Variants in BUB1B observed in about 807,000 individuals in gnomAD.
BUB1B encodes mitotic checkpoint serine/threonine-protein kinase BUB1 beta.
In BUB1B, 86 loss-of-function variants were observed where a neutral mutation model predicts 137.7. The observed-to-expected ratio is 0.62, with a 90% CI of 0.52 to 0.75. The LOEUF (loss-of-function observed/expected upper bound fraction) is 0.75, where lower values mean the gene tolerates loss of function less well. Ranked by LOEUF, BUB1B falls within the 30% of genes least tolerant of loss-of-function variation. The pLI is 0.00. For synonymous variants in BUB1B, 420 were observed against 417.9 expected, an observed-to-expected ratio of 1.00 and a Z score of -0.06; for missense variants, 1,130 against 1,236.9, an observed-to-expected ratio of 0.91 and a Z score of 1.30.
intron 4 of BUB1B, among the ~76,000 whole-genome samples, chr15:40,174,979 A>C (rs937058647): frequency 6.6e-6 from 1 of 152,132 alleles, no homozygotes; most frequent in African/African-American, 2.4e-5. Context: ...AAAGGAAAAA[A>C]AATGCTATTT....
intron 5 of BUB1B, among the ~76,000 whole-genome samples, chr15:40,180,442 T>C (rs1310146984): frequency 6.6e-6 from 1 of 151,148 alleles, no homozygotes; most frequent in African/African-American, 2.4e-5. Context: ...ATTTTTGTAG[T>C]TTTAGAAGAG....
Position 40,186,968 on chromosome 15 carries a change from A to C in BUB1B, c.1058+1326A>C, listed in dbSNP as rs1397464992. 3 of 150,300 alleles carry C rather than the reference A, an allele frequency of 2.0e-5. No individual in the cohort carries two copies. The East Asian group carries it at 5.9e-4, about 30-fold the overall frequency. The allele number at this position is 150,300 out of a possible 1,614,324, so 9.3% of individuals were successfully genotyped here. ...GCCCAGCAGGCTGAAGTGCAGTGGC[A>C]CCATCTCAGCTCACCGCAACCTCGA... On this transcript the variant is annotated intron_variant, in intron 8 of 22. Transcript: ENST00000287598.
chr15:40,196,495 G>T, intron 8 of BUB1B, 50 bp from the exon 9 acceptor site: 1 of 1,462,374 alleles, frequency 6.8e-7, no homozygotes, highest in South Asian at 1.2e-5. Flanking sequence ...CAATCTTATT[G>T]ATTTTTTTTA....
At chr15:40,188,282 A>T (rs2037393321) in intron 8 of BUB1B, among the ~76,000 whole-genome samples, 1 of 152,112 alleles carries the variant, frequency 6.6e-6, no homozygotes, top group Non-Finnish European at 1.5e-5. Context: ...TGACCTCGTG[A>T]TCTGCCTGTC....
chr15:40,164,036 G>A (rs529327781), intron 1 of BUB1B, among the ~76,000 whole-genome samples: 51 of 152,270 alleles, frequency 3.3e-4, no homozygotes, highest in African/African-American at 1.1e-3. Flanking sequence ...TGCAGAATAC[G>A]TAATGGGAAT....
chr15:40,206,307 A>C lies in BUB1B; in HGVS notation c.1858A>C (p.Thr620Pro). 6.2e-7 allele frequency: 1 copy of C among 1,613,836 alleles called. No individual in the cohort carries two copies. The highest frequency in any genetic ancestry group is 2.2e-5 in the East Asian group (1 of 44,862). The change falls in exon 15 of 23, where the codon ACT (threonine) becomes CCT (proline). Residue 620 changes from threonine (T) to proline (P), a missense_variant. By Grantham distance (38) the Thr-to-Pro change is conservative. Transcript: ENST00000287598. ...TGCCAGAGCAGCTCGTTTTGTATCC[A>C]CTCCTTTTCATGAGATAATGTCCTT... ...DFARAARFVSTPFHEIMSLKD... is the reference protein window; with the variant it reads ...DFARAARFVSPPFHEIMSLKD...
At chr15:40,186,577 T>C (rs7171605) in intron 8 of BUB1B, among the ~76,000 whole-genome samples, 25,821 of 151,400 alleles carry the variant, frequency 0.17, 4,744 homozygotes, top group African/African-American at 0.47. Context: ...CCCAAGTAGC[T>C]GGAACTACAG....
intron 2 of BUB1B, 25 bp downstream of exon 2, chr15:40,165,221 C>A: frequency 2.5e-6 from 4 of 1,614,024 alleles, no homozygotes; most frequent in Non-Finnish European, 3.4e-6. Flanking sequence ...TGAGTCTCAA[C>A]CTGTCGTCAT....
At chr15:40,209,015 C>T (rs1196872246) in intron 16 of BUB1B, among the ~76,000 whole-genome samples, 4 of 152,176 alleles carry the variant, frequency 2.6e-5, no homozygotes, top group East Asian at 3.9e-4. Context: ...CGCCATGTTG[C>T]CCAGGCTGGT....
intron 2 of BUB1B, chr15:40,166,289 A>G (rs542955762): frequency 3.2e-5 from 13 of 404,728 alleles, no homozygotes; most frequent in African/African-American, 1.7e-4. Context: ...TAATGTTGCT[A>G]TGGACATTCT....
chr15:40,209,961 C>T, intron 17 of BUB1B, 149 bp from the exon 18 acceptor site: 1 of 943,392 alleles, frequency 1.1e-6, no homozygotes, highest in Non-Finnish European at 1.6e-6. Flanking sequence ...TCTCCTCTTG[C>T]AATCTTTAAC....
chr15:40,211,854 C>G (rs768558404), intron 18 of BUB1B, among the ~76,000 whole-genome samples: 1 of 151,490 alleles, frequency 6.6e-6, no homozygotes, highest in Non-Finnish European at 1.5e-5. Flanking sequence ...CGGAGTTTTG[C>G]TCTTGTCACC....
At position 40,210,177 on chromosome 15, in the gene BUB1B, G is replaced by A. The variant is rs752774198; in HGVS notation, c.2352G>A (p.Ala784=). Reference sequence around the variant, plus strand: ...AAGATTACAAGTTATTCTGGGTGGCGCCAAGAAACTCTGCAGAATTAACAG... The same window carrying A: ...AAGATTACAAGTTATTCTGGGTGGCACCAAGAAACTCTGCAGAATTAACAG... ...ICEDYKLFWV[A]PRNSAELTVI... Residue 784 remains alanine, a synonymous_variant, in exon 18 of 23, where the codon GCG becomes GCA. Coordinates refer to ENST00000287598, the MANE Select transcript of BUB1B (RefSeq NM_001211.6). 19 of 1,610,988 alleles carry A rather than the reference G, an allele frequency of 1.2e-5. No homozygotes were observed. Among genetic ancestry groups the A allele is most frequent in the African/African-American group, 8.0e-5 (6 of 74,782 alleles).
intron 11 of BUB1B, 68 bp downstream of exon 11, chr15:40,200,427 A>G: frequency 9.0e-7 from 1 of 1,115,330 alleles, no homozygotes; most frequent in Non-Finnish European, 1.4e-6. Flanking sequence ...TTGACTCTCT[A>G]GTGCCTTGAA....
chr15:40,206,557 C>A, intron 15 of BUB1B, 99 bp downstream of exon 15: 3 of 1,448,430 alleles, frequency 2.1e-6, no homozygotes, highest in African/African-American at 1.4e-5. Context: ...TTCTTACTAA[C>A]TGCCAGGTAC....
rs543227658 is a variant in BUB1B at position 40,208,775 on chromosome 15, G to A, written c.2143+5G>A. The A allele has an allele frequency of 9.3e-6, 15 of 1,607,764 alleles. No homozygotes were observed. In the South Asian group the frequency reaches 1.1e-4, roughly 12 times the overall value. ...AACTTACTAATGAGACTTCAGGTAG[G>A]ATATACATACCACTATATCCATGCC... is the stretch of plus-strand genomic sequence containing the variant. On this transcript the variant is annotated splice_donor_5th_base_variant and intron_variant, in intron 16 of 22. Transcript: ENST00000287598.
chr15:40,202,507 A>C (rs2037585133), intron 13 of BUB1B, 42 bp downstream of exon 13: 1 of 1,596,248 alleles, frequency 6.3e-7, no homozygotes, highest in African/African-American at 1.3e-5. Flanking sequence ...TTTACTTAAG[A>C]ATTTTCTGTT....
At chr15:40,216,565 ATATATAT>A (rs1253145365) in intron 20 of BUB1B, among the ~76,000 whole-genome samples, 8 of 78,688 alleles carry the variant, frequency 1.0e-4, no homozygotes, top group African/African-American at 3.9e-4. Flanking sequence ...ATATATATAT[ATATATAT>A]TTTTTTTTTT....
At chr15:40,199,476 A>C in intron 9 of BUB1B, 139 bp from the exon 10 acceptor site, 1 of 692,462 alleles carries the variant, frequency 1.4e-6, no homozygotes, top group Non-Finnish European at 2.6e-6. Flanking sequence ...CTAGACCACA[A>C]GTTGAGGACC....
Sources: allele counts gnomAD v4.1 joint callset (sites outside exome capture counted in the v4.1 genomes callset), GRCh38; gene constraint gnomAD v4.1.1; transcripts MANE v1.5; gene names NCBI Gene and HGNC (gene_info 2026-07-23, HGNC 2026-07-21).